Variants in COL6A5 observed in about 807,000 individuals in gnomAD.
The protein encoded by COL6A5 is collagen type VI alpha 5 chain, also known as collagen alpha-5(VI) chain.
A neutral mutation model predicts 65.6 loss-of-function variants in COL6A5; 48 were observed. The observed-to-expected ratio is 0.73, with a 90% CI of 0.58 to 0.93. The LOEUF is 0.93. Ranked by LOEUF, COL6A5 falls within the 40% of genes least tolerant of loss-of-function variation. COL6A5 has a pLI of 0.00. For missense variants in COL6A5, 914 were observed against 928.3 expected (o/e 0.98, Z 0.20); for synonymous variants, 291 against 322.8 (o/e 0.90, Z 1.05).
chr3:130,362,318 ATATATATATTTTTTT>A (rs1348817155), intron 1 of COL6A5, among the ~76,000 whole-genome samples: 76 of 4,374 alleles, frequency 0.017, 2 homozygotes, highest in Non-Finnish European at 0.035. Context: ...ATATATATAT[ATATATATATTTTTTT>A]TTTTTTTTTT....
At chr3:130,386,977 C>G (rs1268802414) in intron 5 of COL6A5, among the ~76,000 whole-genome samples, 4 of 151,718 alleles carry the variant, frequency 2.6e-5, no homozygotes, top group Non-Finnish European at 4.4e-5. Flanking sequence ...CAAAAAGACC[C>G]CAGACTACAC....
upstream of COL6A5, chr3:130,431,145 C>CCG: frequency 1.6e-6 from 1 of 633,418 alleles, no homozygotes. Context: ...CATGTAACCA[C>CCG]TATCCCAGTC....
intron 1 of COL6A5, among the ~76,000 whole-genome samples, chr3:130,362,307 TATATATATATA>T: frequency 4.7e-4 from 1 of 2,132 alleles, no homozygotes; most frequent in Non-Finnish European, 1.8e-3. Context: ...TATATATATA[TATATATATATA>T]TATATATATT....
intron 5 of COL6A5, among the ~76,000 whole-genome samples, chr3:130,387,885 A>G (rs1393556657): frequency 2.0e-5 from 3 of 152,030 alleles, no homozygotes; most frequent in Admixed American, 1.3e-4. Flanking sequence ...ATGTGTACAT[A>G]TGTCTATATT....
At chr3:130,395,380 C>G in exon 8 of COL6A5, 1 of 1,548,338 alleles carries the variant, frequency 6.5e-7, no homozygotes, top group East Asian at 2.4e-5. Flanking sequence ...AAAAAATAAT[C>G]ACTTTTCAAG....
chr3:130,470,640 A>G (rs909104194), intron 6 of COL6A5, among the ~76,000 whole-genome samples: 1 of 152,118 alleles, frequency 6.6e-6, no homozygotes, highest in African/African-American at 2.4e-5. Context: ...CTTAAAGTAT[A>G]TCACAAATTT....
At chr3:130,396,897 C>T (rs1349155409) in intron 8 of COL6A5, among the ~76,000 whole-genome samples, 1 of 152,206 alleles carries the variant, frequency 6.6e-6, no homozygotes, top group Non-Finnish European at 1.5e-5. Context: ...GAGTCTCGCT[C>T]TGTCGCCCAG....
chr3:130,362,567 A>C (rs1174463191), intron 1 of COL6A5, among the ~76,000 whole-genome samples: 1 of 152,010 alleles, frequency 6.6e-6, no homozygotes, highest in African/African-American at 2.4e-5. Context: ...AGGAAGTGTC[A>C]GTCCTCCAAC....
intron 7 of COL6A5, among the ~76,000 whole-genome samples, chr3:130,483,438 A>G (rs1404257827): frequency 6.6e-6 from 1 of 152,220 alleles, no homozygotes; most frequent in Non-Finnish European, 1.5e-5. Context: ...GGGAAATTGG[A>G]TAAAGAGAAA....
chr3:130,379,632 C>T (rs1396392056), exon 4 of COL6A5: 4 of 1,551,414 alleles, frequency 2.6e-6, no homozygotes, highest in East Asian at 2.4e-5. Context: ...CAAGCACAAC[C>T]CAATCTGAAT....
chr3:130,444,022 C>A (rs34340548), intron 4 of COL6A5, among the ~76,000 whole-genome samples: 2 of 152,046 alleles, frequency 1.3e-5, no homozygotes, highest in African/African-American at 2.4e-5. Flanking sequence ...GGCCCACCCT[C>A]AGGGGCGCAT....
At chr3:130,423,692 C>A in intron 28 of COL6A5, 146 bp from the exon 29 acceptor site, 1 of 550,534 alleles carries the variant, frequency 1.8e-6, no homozygotes, top group Non-Finnish European at 3.2e-6. Context: ...TTGTTTGTAT[C>A]ACAAGTAAGC....
intron 7 of COL6A5, 149 bp from the exon 41 acceptor site, chr3:130,483,886 A>C: frequency 1.6e-6 from 1 of 608,096 alleles, no homozygotes; most frequent in Non-Finnish European, 2.9e-6. Context: ...TTATCACATC[A>C]CCCTGAGCTG....
At chr3:130,406,321 G>C in exon 17 of COL6A5, 1 of 1,547,824 alleles carries the variant, frequency 6.5e-7, no homozygotes, top group Admixed American at 2.0e-5. Context: ...CAGGATCTCA[G>C]GTAACACTTT....
At chr3:130,476,186 G>A (rs1710092638) in intron 7 of COL6A5, among the ~76,000 whole-genome samples, 1 of 152,062 alleles carries the variant, frequency 6.6e-6, no homozygotes, top group African/African-American at 2.4e-5. Flanking sequence ...CTCTCTTCCT[G>A]GCTTACAAAT....
rs759052886 is a variant in COL6A5 at position 130,410,005 on chromosome 3, C to T, written c.4543-4C>T. ...CTAAACTACTTTTAAAAATCTTTCT[C>T]TAGGGTAATCCAGGACAAAACAATA... On this transcript the variant is annotated splice_region_variant and splice_polypyrimidine_tract_variant and intron_variant and NMD_transcript_variant, in intron 18 of 41. Transcript: ENST00000312481. 5.2e-6 allele frequency: 8 copies of T among 1,541,428 alleles called. No homozygotes were observed. Among genetic ancestry groups the T allele is most frequent in the Non-Finnish European group, 7.0e-6 (8 of 1,138,886 alleles).
Position 130,398,020 on chromosome 3 carries a change from A to G in COL6A5, c.3910-10A>G. 1 of 1,548,328 alleles carries G rather than the reference A, an allele frequency of 6.5e-7. No individual in the cohort carries two copies. Among genetic ancestry groups the G allele is most frequent in the Non-Finnish European group, 8.7e-7 (1 of 1,145,584 alleles). On this transcript the variant is annotated splice_polypyrimidine_tract_variant and intron_variant and NMD_transcript_variant, in intron 9 of 41. Coordinates refer to the COL6A5 transcript ENST00000312481. ...AGCTTTTACACCATACCATTTTCTT[A>G]TTTCTCCAGGTGCTGCTTATTTTTT...
At chr3:130,456,097 C>T (rs945829332) in intron 5 of COL6A5, among the ~76,000 whole-genome samples, 8 of 151,974 alleles carry the variant, frequency 5.3e-5, no homozygotes, top group East Asian at 1.9e-4. Flanking sequence ...CGGGTTCAAG[C>T]GATTCTCTTT....
chr3:130,466,029 A>G (rs1314819537), intron 5 of COL6A5, among the ~76,000 whole-genome samples: 1 of 152,078 alleles, frequency 6.6e-6, no homozygotes, highest in African/African-American at 2.4e-5. Flanking sequence ...ATAAAAAATG[A>G]AAAGAGTATT....
Sources: gnomAD v4.1 joint callset for allele counts (sites outside exome capture counted in the v4.1 genomes callset) on GRCh38, gnomAD v4.1.1 for gene constraint, MANE v1.5 for transcripts, NCBI Gene and HGNC (gene_info 2026-07-23, HGNC 2026-07-21) for gene names.